LTF: variants seen among roughly 807,000 people sequenced by gnomAD.
The protein encoded by LTF is epididymis luminal protein 110.
LTF carries 91 observed loss-of-function variants against 87.2 expected under a neutral mutation model. The ratio of observed to expected loss-of-function variants is 1.04; its 90% confidence interval spans 0.88 to 1.24. The LOEUF (loss-of-function observed/expected upper bound fraction) is 1.24. LTF is among the 50% of genes most tolerant of loss of function. LTF has a pLI of 0.00. For missense variants in LTF, 901 were observed against 904.3 expected (o/e 1.00, Z 0.05); for synonymous variants, 378 against 356.1 (o/e 1.06, Z -0.69).
chr3:46,461,613 T>C (rs1703083365), intron 1 of LTF, among the ~76,000 whole-genome samples: 1 of 152,162 alleles, frequency 6.6e-6, no homozygotes. Flanking sequence ...AGATTAGTGG[T>C]TGTCTGATGC....
In LTF at chr3:46,482,591, G is replaced by GAA. The variant is rs1186577457; in HGVS notation, c.-320+2394_-320+2395insTT. Among the ~76,000 whole-genome samples, 168 of 94,248 alleles carry GAA rather than the reference G, an allele frequency of 1.8e-3. 17 individuals carry two copies. Among genetic ancestry groups the GAA allele is most frequent in the East Asian group, 1.0e-2 (20 of 2,010 alleles). 61.8% of individuals were successfully genotyped at this position (94,248 alleles called of 152,430 possible). ...AAGGGAAAGGAAAGGAAGGGAGAAA[G>GAA]AGAGAGAAAGAAAGAAAGAAGAAAG... On this transcript the variant is annotated intron_variant, in intron 1 of 19. Transcript: ENST00000443496.
chr3:46,450,461 C>T, intron 7 of LTF, 34 bp downstream of exon 7: 1 of 1,578,652 alleles, frequency 6.3e-7, no homozygotes, highest in Non-Finnish European at 8.6e-7. Flanking sequence ...CCCCCCATAT[C>T]CAAGCAAGTG....
intron 6 of LTF, among the ~76,000 whole-genome samples, chr3:46,452,035 A>C (rs1430500522): frequency 6.6e-6 from 1 of 152,244 alleles, no homozygotes; most frequent in Non-Finnish European, 1.5e-5. Flanking sequence ...AGATATCCAG[A>C]TCACACAATT....
Position 46,447,372 on chromosome 3 carries a change from C to G in LTF, c.1239G>C (p.Leu413Phe). 1.9e-6 allele frequency: 3 copies of G among 1,614,160 alleles called. No individual in the cohort carries two copies. Among genetic ancestry groups the G allele is most frequent in the Non-Finnish European group, 2.5e-6 (3 of 1,179,976 alleles). Residue 413 changes from leucine to phenylalanine, a missense_variant, in exon 10 of 17, where the codon TTG becomes TTC. By Grantham distance (22) the Leu-to-Phe change is conservative (BLOSUM62 0). Transcript: ENST00000231751. ...CTGCAGTGTACACATATCCTCCATC[C>G]AAACTCATGGCATCAGCTTCTCCTT... ...VLKGEADAMSLDGGYVYTAGK... is the reference protein window; with the variant it reads ...VLKGEADAMSFDGGYVYTAGK...
At chr3:46,447,200 T>C in intron 10 of LTF, 108 bp downstream of exon 10, 1 of 759,196 alleles carries the variant, frequency 1.3e-6, no homozygotes, top group Non-Finnish European at 2.3e-6. Flanking sequence ...CCCTTTTGAA[T>C]GTATCTGTTC....
chr3:46,464,300 A>G (rs570490791), intron 1 of LTF, among the ~76,000 whole-genome samples: 2 of 151,606 alleles, frequency 1.3e-5, no homozygotes, highest in South Asian at 2.1e-4. Context: ...CCCCTCCACA[A>G]CCCTCTGCCA....
chr3:46,459,621 A>G (rs748067257), intron 2 of LTF, 35 bp downstream of exon 2: 2 of 1,373,938 alleles, frequency 1.5e-6, no homozygotes, highest in Non-Finnish European at 1.9e-6. Flanking sequence ...CCTTCCATTC[A>G]GCTTGGTCCC....
At chr3:46,462,754 G>A (rs1703115748) in intron 1 of LTF, among the ~76,000 whole-genome samples, 1 of 152,152 alleles carries the variant, frequency 6.6e-6, no homozygotes, top group South Asian at 2.1e-4. Flanking sequence ...CACCAGGGAA[G>A]GGCTAGTCTG....
In LTF at chr3:46,455,277, G is replaced by A. The variant is rs1427999055; in HGVS notation, c.647+18C>T. 6.2e-7 allele frequency: 1 copy of A among 1,613,978 alleles called. No homozygotes were observed. Among genetic ancestry groups the A allele is most frequent in the African/African-American group, 1.3e-5 (1 of 75,052 alleles). On this transcript the variant is annotated intron_variant, in intron 5 of 16. Coordinates refer to ENST00000231751, the MANE Select transcript of LTF (RefSeq NM_002343.6). Reference sequence around the variant, plus strand: ...AGGGACACTTGGCCACTGACGAGAAGGGGACAGGGTCACTCACTTGAAGGC... The same window carrying A: ...AGGGACACTTGGCCACTGACGAGAAAGGGACAGGGTCACTCACTTGAAGGC...
At chr3:46,460,297 T>C (rs1424551532) in intron 1 of LTF, among the ~76,000 whole-genome samples, 3 of 152,226 alleles carry the variant, frequency 2.0e-5, no homozygotes, top group Admixed American at 1.3e-4. Context: ...TAGATTGTTT[T>C]GTGCATAAAT....
rs556818302 is a variant in LTF at position 46,461,765 on chromosome 3, G to A, written c.44-1946C>T. 7.4e-4 allele frequency among the ~76,000 whole-genome samples: 84 copies of A among 113,040 alleles called. 1 individual carries two copies. The highest frequency in any genetic ancestry group is 4.3e-3 in the African/African-American group (81 of 18,814). 74.2% of individuals were successfully genotyped at this position (113,040 alleles called of 152,430 possible). The stretch of plus-strand genomic sequence containing the variant: ...CTCATTGAATTGTACGCAAATAGGT[G>A]ATTTTTTATGATATGGAAAATGTAC... On this transcript the variant is annotated intron_variant, in intron 1 of 16. Transcript: ENST00000231751.
At chr3:46,443,613 T>A in intron 12 of LTF, 31 bp from the exon 13 acceptor site, 1 of 1,612,454 alleles carries the variant, frequency 6.2e-7, no homozygotes, top group Non-Finnish European at 8.5e-7. Context: ...GAGTCAGCTC[T>A]TCAAACCTGA....
intron 2 of LTF, among the ~76,000 whole-genome samples, chr3:46,458,171 A>G (rs1334588661): frequency 6.6e-6 from 1 of 152,066 alleles, no homozygotes; most frequent in Non-Finnish European, 1.5e-5. Context: ...TAATTTTTTT[A>G]TTTAAATATT....
intron 14 of LTF, 46 bp downstream of exon 14, chr3:46,441,370 G>A (rs34000233): frequency 0.2 from 291,586 of 1,488,706 alleles, 29,825 homozygotes; most frequent in South Asian, 0.3. Flanking sequence ...GTGTTGTGAT[G>A]CCAAAGACTC....
rs115677632 is a variant in LTF, at chr3:46,459,845, G to A, written c.44-26C>T. The A allele has an allele frequency of 2.3e-3, 3,405 of 1,494,318 alleles. 71 individuals carry two copies. In the African/African-American group the frequency reaches 0.042, roughly 19 times the overall value. 92.6% of individuals were successfully genotyped at this position (1,494,318 alleles called of 1,614,324 possible). The stretch of plus-strand genomic sequence containing the variant: ...CTGGGAGAGAGGGGCCAAGGAGTAA[G>A]GATTCAACCACTGACTGAGGGCGTG... On this transcript the variant is annotated intron_variant, in intron 1 of 16. Coordinates refer to ENST00000231751, the MANE Select transcript of LTF (RefSeq NM_002343.6).
intron 1 of LTF, 134 bp downstream of exon 1, chr3:46,464,691 G>A (rs1703169997): frequency 2.1e-6 from 2 of 932,822 alleles, no homozygotes; most frequent in Admixed American, 2.7e-5. Flanking sequence ...GCCGCCTCCC[G>A]GCTGTAGGCG....
At chr3:46,456,858 T>G (rs1476305655) in intron 2 of LTF, among the ~76,000 whole-genome samples, 1 of 152,232 alleles carries the variant, frequency 6.6e-6, no homozygotes, top group Non-Finnish European at 1.5e-5. Flanking sequence ...GTTTGCAATG[T>G]GGGATAGTTT....
intron 2 of LTF, among the ~76,000 whole-genome samples, chr3:46,459,355 T>C (rs1005177474): frequency 2.0e-5 from 3 of 152,250 alleles, no homozygotes; most frequent in Non-Finnish European, 4.4e-5. Flanking sequence ...TTTTTGCTGA[T>C]CCTATGTATT....
At chr3:46,438,498 C>T (rs970337025) in intron 15 of LTF, among the ~76,000 whole-genome samples, 8 of 152,220 alleles carry the variant, frequency 5.3e-5, no homozygotes, top group Admixed American at 2.6e-4. Context: ...TAATATGCAG[C>T]TCTTCTAGAG....
Sources: allele counts gnomAD v4.1 joint callset (sites outside exome capture counted in the v4.1 genomes callset), GRCh38; gene constraint gnomAD v4.1.1; transcripts MANE v1.5; gene names NCBI Gene and HGNC (gene_info 2026-07-23, HGNC 2026-07-21).